UNC45A: variants seen among roughly 807,000 people sequenced by gnomAD.
UNC45A encodes the protein protein unc-45 homolog A.
Under a neutral mutation model 103.2 loss-of-function variants are expected in UNC45A, and 78 were observed. That is an observed-to-expected ratio of 0.76 (90% confidence interval 0.63 to 0.91). The LOEUF (loss-of-function observed/expected upper bound fraction) is 0.91. Among genes scored for constraint, UNC45A ranks in the 40% least tolerant of loss-of-function variants. The pLI is 0.00. For missense variants in UNC45A, 1,193 were observed against 1,224.8 expected, an observed-to-expected ratio of 0.97 and a Z score of 0.39; for synonymous variants, 495 against 504.6, an observed-to-expected ratio of 0.98 and a Z score of 0.25.
intron 19 of UNC45A, 38 bp downstream of exon 19, chr15:90,953,348 C>T (rs762783168): frequency 3.8e-6 from 6 of 1,593,786 alleles, no homozygotes; most frequent in Middle Eastern, 2.2e-4. Flanking sequence ...AGGGACGGAC[C>T]AGGAACTCCC....
At chr15:90,945,132 G>GGCAGAAATGAAAGGTTTCCA (rs2036499995) in intron 9 of UNC45A, 69 bp downstream of exon 9, 1 of 1,571,192 alleles carries the variant, frequency 6.4e-7, no homozygotes, top group Non-Finnish European at 8.6e-7. Flanking sequence ...CTTGAGGAGG[G>GGCAGAAATGAAAGGTTTCCA]GCAGAAATGA....
At chr15:90,943,244 T>G (rs552820224) in intron 8 of UNC45A, among the ~76,000 whole-genome samples, 162 bp downstream of exon 8, 2 of 151,824 alleles carry the variant, frequency 1.3e-5, no homozygotes, top group African/African-American at 4.8e-5. Flanking sequence ...CTGGGCAACA[T>G]AGCGAGACCC....
In UNC45A at chr15:90,935,351, C is replaced by G. The variant is rs759825776; in HGVS notation, c.27C>G (p.Pro9=). Residue 9 remains proline (P), a synonymous_variant, in exon 1 of 20, where the codon CCC becomes CCG. Transcript: ENST00000418476. Reference sequence around the variant, plus strand: ...TGACTGTGAGTGGTCCAGGGACCCCCGAGCCCCGGCCGGCCACCCCCGGGG... The same window carrying G: ...TGACTGTGAGTGGTCCAGGGACCCCGGAGCCCCGGCCGGCCACCCCCGGGG... MTVSGPGT[P]EPRPATPGAS... 1.9e-6 allele frequency: 3 copies of G among 1,603,808 alleles called. No individual in the cohort carries two copies. The highest frequency in any genetic ancestry group is 2.2e-5 in the South Asian group (2 of 90,234).
At position 90,953,700 on chromosome 15, in the gene UNC45A, A is replaced by G; in HGVS notation, c.2819A>G (p.Asn940Ser). 3 of 1,613,876 alleles carry G rather than the reference A, an allele frequency of 1.9e-6. No individual in the cohort carries two copies. The highest frequency in any genetic ancestry group is 2.5e-6 in the Non-Finnish European group (3 of 1,179,928). The change falls in exon 20 of 20, where the codon AAC becomes AGC. Residue 940 changes from asparagine (N) to serine (S), a missense_variant. Physicochemically the swap from Asn to Ser is conservative, Grantham distance 46. Transcript: ENST00000418476. The part of the protein sequence containing the change: ...KAVEYGLIQP[N>S]QDGE ...GTGGAATATGGGCTTATCCAACCCA[A>G]CCAAGATGGAGAGTGAGGGGGTTGT...
chr15:90,947,140 G>A (rs1409845912), intron 10 of UNC45A: 2 of 559,380 alleles, frequency 3.6e-6, no homozygotes, highest in Non-Finnish European at 6.4e-6. Flanking sequence ...GGTGAGTCAC[G>A]CATGTCACTG....
Position 90,949,649 on chromosome 15 carries a change from C to A in UNC45A, c.2007-5C>A, listed in dbSNP as rs778290236. Reference sequence around the variant, plus strand: ...TGCCTGCCCACCACCGCCTTCTCCCCACAGGGTCTTCTTGGCTTTAGTGGA... The same window carrying A: ...TGCCTGCCCACCACCGCCTTCTCCCAACAGGGTCTTCTTGGCTTTAGTGGA... On this transcript the variant is annotated splice_region_variant and splice_polypyrimidine_tract_variant and intron_variant, in intron 14 of 19. Coordinates refer to ENST00000418476, the MANE Select transcript of UNC45A (RefSeq NM_018671.5). 1.2e-6 allele frequency: 2 copies of A among 1,614,078 alleles called. No individual in the cohort carries two copies. Among genetic ancestry groups the A allele is most frequent in the Admixed American group, 3.3e-5 (2 of 60,020 alleles).
Position 90,948,024 on chromosome 15 carries a change from G to A in UNC45A, c.1596-118G>A, listed in dbSNP as rs1286003417. 3.0e-5 allele frequency: 46 copies of A among 1,531,190 alleles called. No homozygotes were observed. The East Asian group carries it at 9.5e-4, about 32-fold the overall frequency. The allele number at this position is 1,531,190 out of a possible 1,614,324, so 94.9% of individuals were successfully genotyped here. ...GGGGCTGCAGTCTGGATCCTGGTAC[G>A]TGAACTGCTTCTGTACATTGAGGGG... On this transcript the variant is annotated intron_variant, in intron 11 of 19. Transcript: ENST00000418476.
Position 90,936,400 on chromosome 15 carries a change from G to A in UNC45A, c.366G>A (p.Glu122=), listed in dbSNP as rs1245005316. Residue 122 remains glutamate (E), a synonymous_variant, in exon 4 of 20, where the codon GAG becomes GAA. Transcript: ENST00000418476. ...VLDLQRCVSL[E]PKNKVFQEAL... ...ACCTGCAGAGATGTGTGAGCTTGGA[G>A]CCCAAGAACAAAGTTTTCCAGGAGG... 2.5e-6 allele frequency: 4 copies of A among 1,614,220 alleles called. No homozygotes were observed. Among genetic ancestry groups the A allele is most frequent in the African/African-American group, 2.7e-5 (2 of 75,060 alleles).
At chr15:90,941,741 C>T (rs370995809) in intron 6 of UNC45A, among the ~76,000 whole-genome samples, 2 of 151,996 alleles carry the variant, frequency 1.3e-5, no homozygotes, top group South Asian at 2.1e-4. Flanking sequence ...GGGCAGATCA[C>T]GAGGTCAGGA....
At chr15:90,931,681 TTACAGCCCA>T (rs1253948584), upstream of UNC45A, 1 of 1,613,986 alleles carries the variant, frequency 6.2e-7, no homozygotes, top group Non-Finnish European at 8.5e-7. Context: ...CCCTTTTCCC[TTACAGCCCA>T]TACGAAAGCG....
Position 90,946,846 on chromosome 15 carries a change from G to A in UNC45A, c.1432G>A (p.Gly478Ser), listed in dbSNP as rs113080417. 1 of 1,614,134 alleles carries A rather than the reference G, an allele frequency of 6.2e-7. No individual in the cohort carries two copies. Among genetic ancestry groups the A allele is most frequent in the East Asian group, 2.2e-5 (1 of 44,880 alleles). Reference sequence around the variant, plus strand: ...GCGGGCCTCATTCATCACTGCCAATGGTGTCTCGCTGCTGAAGGACCTATA... The same window carrying A: ...GCGGGCCTCATTCATCACTGCCAATAGTGTCTCGCTGCTGAAGGACCTATA... ...AKRASFITANGVSLLKDLYKC... is the reference protein window; with the variant it reads ...AKRASFITANSVSLLKDLYKC... The change falls in exon 10 of 20, where the codon GGT becomes AGT. Residue 478 changes from glycine to serine, a missense_variant. Coordinates refer to ENST00000418476, the MANE Select transcript of UNC45A (RefSeq NM_018671.5).
rs2037075436 is a variant in UNC45A at position 90,953,892 on chromosome 15, C to T, written c.*176C>T. ...TCAGCGGCCACGTTCAGTCACACAGCCCTGCTTGGCCAGCACTGCCTGCAG... is the reference window on the plus strand; with the variant it reads ...TCAGCGGCCACGTTCAGTCACACAGTCCTGCTTGGCCAGCACTGCCTGCAG... On this transcript the variant is annotated 3_prime_UTR_variant, in exon 20 of 20. Coordinates refer to ENST00000418476, the MANE Select transcript of UNC45A (RefSeq NM_018671.5). The T allele has an allele frequency of 4.5e-6, 4 of 892,080 alleles. No individual in the cohort carries two copies. The highest frequency in any genetic ancestry group is 6.7e-6 in the Non-Finnish European group (4 of 596,760). The allele number at this position is 892,080 out of a possible 1,614,324, so 55.3% of individuals were successfully genotyped here.
chr15:90,947,501 G>A (rs1158087246), intron 10 of UNC45A: 10 of 429,562 alleles, frequency 2.3e-5, no homozygotes, highest in African/African-American at 3.9e-5. Flanking sequence ...TTCTTTGTGC[G>A]ACATGGAAGG....
intron 9 of UNC45A, among the ~76,000 whole-genome samples, chr15:90,945,821 T>C (rs112135144): frequency 0.083 from 12,325 of 149,194 alleles, 952 homozygotes; most frequent in African/African-American, 0.21. Context: ...TTAGTAGAGA[T>C]GGGGTTTCAC....
Position 90,948,245 on chromosome 15 carries a change from G to A in UNC45A, c.1699G>A (p.Asp567Asn). 1.9e-6 allele frequency: 3 copies of A among 1,614,096 alleles called. No individual in the cohort carries two copies. The highest frequency in any genetic ancestry group is 2.5e-6 in the Non-Finnish European group (3 of 1,180,038). The change falls in exon 12 of 20, where the codon GAT (aspartate) becomes AAT (asparagine). Residue 567 changes from aspartate to asparagine, a missense_variant. Coordinates refer to ENST00000418476, the MANE Select transcript of UNC45A (RefSeq NM_018671.5). The stretch of plus-strand genomic sequence containing the variant: ...CGACGTGAAGGAAGAGTTTGTGGAG[G>A]ATGCGGCTGCTCTGAAAGCTCTGTT... The part of the protein sequence containing the change: ...DADVKEEFVE[D>N]AAALKALFQL...
At chr15:90,938,319 A>G (rs2036120595) in intron 4 of UNC45A, among the ~76,000 whole-genome samples, 1 of 152,130 alleles carries the variant, frequency 6.6e-6, no homozygotes, top group African/African-American at 2.4e-5. Context: ...AGCTACAACC[A>G]AGCTCAAATT....
Position 90,936,270 on chromosome 15 carries a change from C to T in UNC45A, c.251-15C>T, listed in dbSNP as rs1320322607. ...TGGCCTCATGGGTGCTGACAGCGCTCCTGTTTGTGCTCAGCCATTGAAAAG... is the reference window on the plus strand; with the variant it reads ...TGGCCTCATGGGTGCTGACAGCGCTTCTGTTTGTGCTCAGCCATTGAAAAG... On this transcript the variant is annotated splice_polypyrimidine_tract_variant and intron_variant, in intron 3 of 19. Coordinates refer to ENST00000418476, the MANE Select transcript of UNC45A (RefSeq NM_018671.5). 15 of 1,606,586 alleles carry T rather than the reference C, an allele frequency of 9.3e-6. No homozygotes were observed. Among genetic ancestry groups the T allele is most frequent in the Non-Finnish European group, 1.2e-5 (14 of 1,176,162 alleles).
intron 12 of UNC45A, 161 bp from the exon 13 acceptor site, chr15:90,948,493 T>A: frequency 7.5e-7 from 1 of 1,333,156 alleles, no homozygotes; most frequent in African/African-American, 1.5e-5. Flanking sequence ...GGAGGTCAAG[T>A]TTGTAAGCTC....
Position 90,940,314 on chromosome 15 carries a change from G to C in UNC45A, c.528G>C (p.Gln176His). 2 of 1,613,178 alleles carry C rather than the reference G, an allele frequency of 1.2e-6. No individual in the cohort carries two copies. Among genetic ancestry groups the C allele is most frequent in the South Asian group, 2.2e-5 (2 of 90,996 alleles). ...TGCTTCCTTTGACGCAGGCTTCTCA[G>C]AACCTGGTGGTGCTGGCCAGGGAGG... ...KGTEKKQKAS[Q>H]NLVVLAREDA... Residue 176 changes from glutamine to histidine, a missense_variant, in exon 6 of 20, where the codon CAG (glutamine) becomes CAC (histidine). Transcript: ENST00000418476.
Sources: allele counts gnomAD v4.1 joint callset (sites outside exome capture counted in the v4.1 genomes callset), GRCh38; gene constraint gnomAD v4.1.1; transcripts MANE v1.5; gene names NCBI Gene and HGNC (gene_info 2026-07-23, HGNC 2026-07-21).